The following PLA2G12B variants were observed in gnomAD, a reference collection of about 807,000 sequenced individuals.
PLA2G12B encodes the protein group XIIB secretory phospholipase A2-like protein.
A neutral mutation model predicts 22.3 loss-of-function variants in PLA2G12B; 19 were observed. That is an observed-to-expected ratio of 0.85 (90% CI 0.60 to 1.25). The LOEUF (loss-of-function observed/expected upper bound fraction) is 1.25. PLA2G12B is among the 50% of genes most tolerant of loss of function. The probability of loss-of-function intolerance (pLI) is 0.00; values close to 1 mark genes in which losing one functional copy is unlikely to be tolerated. For synonymous variants in PLA2G12B, 81 were observed against 94.9 expected (o/e 0.85, Z 0.85); for missense variants, 191 against 246.6 (o/e 0.77, Z 1.51).
chr10:72,938,346 A>C (rs1362866149), intron 3 of PLA2G12B, among the ~76,000 whole-genome samples: 1 of 152,132 alleles, frequency 6.6e-6, no homozygotes, highest in East Asian at 1.9e-4. Context: ...AGCTCTAGCC[A>C]GGGCAATTAG....
rs770919510 is a variant in PLA2G12B, at chr10:72,954,615, C to T, written c.71G>A (p.Ser24Asn). The change falls in exon 1 of 4, where the codon AGC (serine) becomes AAC (asparagine). Residue 24 changes from serine to asparagine, a missense_variant. Coordinates refer to ENST00000373032, the MANE Select transcript of PLA2G12B (RefSeq NM_032562.5). ...TGAATAGGACTCCTCCGTGTCAGGG[C>T]TCGTGTCGCTCTGAGCCAGGCCACC... ...LGGGLAQSDT[S>N]PDTEESYSDW... The T allele has an allele frequency of 1.2e-6, 2 of 1,614,168 alleles. No individual in the cohort carries two copies. The highest frequency in any genetic ancestry group is 1.1e-5 in the South Asian group (1 of 91,084).
chr10:72,953,927 T>C (rs1312582596), intron 1 of PLA2G12B, among the ~76,000 whole-genome samples: 2 of 152,152 alleles, frequency 1.3e-5, no homozygotes, highest in Non-Finnish European at 2.9e-5. Flanking sequence ...TTGATGCCAG[T>C]CAGGGACTGA....
chr10:72,949,519 AT>A (rs1331915769), intron 1 of PLA2G12B, among the ~76,000 whole-genome samples: 1 of 151,978 alleles, frequency 6.6e-6, no homozygotes, highest in Non-Finnish European at 1.5e-5. Flanking sequence ...TGTCTTTGTC[AT>A]TTGTTTTACA....
At chr10:72,945,247 C>T (rs900283123) in intron 1 of PLA2G12B, among the ~76,000 whole-genome samples, 3 of 152,154 alleles carry the variant, frequency 2.0e-5, no homozygotes, top group African/African-American at 7.2e-5. Context: ...GAGAATACTG[C>T]AGAAGTGGAG....
In PLA2G12B at chr10:72,943,381, C is replaced by G. The variant is rs567354193; in HGVS notation, c.212-641G>C. On this transcript the variant is annotated intron_variant, in intron 1 of 3. Coordinates refer to ENST00000373032, the MANE Select transcript of PLA2G12B (RefSeq NM_032562.5). ...CTCATTCCTTCACTGCAAGACCACA[C>G]ACCACTCAAAGAACAAGCAGAACAC... is the stretch of plus-strand genomic sequence containing the variant. Among the ~76,000 whole-genome samples, 3 of 152,266 alleles carry G rather than the reference C, an allele frequency of 2.0e-5. No homozygotes were observed. The South Asian group carries it at 6.2e-4, about 32-fold the overall frequency.
rs1333547892 is a variant in PLA2G12B, at chr10:72,945,609, C to CT, written c.212-2870dup. Among the ~76,000 whole-genome samples, 5 of 151,984 alleles carry CT rather than the reference C, an allele frequency of 3.3e-5. No individual in the cohort carries two copies. The East Asian group carries it at 9.7e-4, about 29-fold the overall frequency. ...TGTAAGCTGCTGAGTTTCGAGGTAC[C>CT]TTTTTGCTCAATAATATATAACTGT... On this transcript the variant is annotated intron_variant, in intron 1 of 3. Coordinates refer to ENST00000373032, the MANE Select transcript of PLA2G12B (RefSeq NM_032562.5).
intron 1 of PLA2G12B, among the ~76,000 whole-genome samples, chr10:72,951,452 C>CTTT (rs71482537): frequency 1.1e-3 from 127 of 117,076 alleles, no homozygotes; most frequent in African/African-American, 3.0e-3. Context: ...GCACAGACTC[C>CTTT]TTTTTTTTTT....
intron 1 of PLA2G12B, among the ~76,000 whole-genome samples, chr10:72,950,464 T>C (rs1846511227): frequency 6.6e-6 from 1 of 152,154 alleles, no homozygotes; most frequent in Non-Finnish European, 1.5e-5. Context: ...TAGACTGATA[T>C]TTATTTTTAT....
rs977888036 is a variant in PLA2G12B, at chr10:72,935,260, C to A, written c.*357G>T. ...ATGGGCCAGCAGAAAGTCATTGCCT[C>A]CCAAATGGCTGGACTCCCCACAATT... On this transcript the variant is annotated 3_prime_UTR_variant, in exon 4 of 4. Coordinates refer to ENST00000373032, the MANE Select transcript of PLA2G12B (RefSeq NM_032562.5). 12 of 178,442 alleles carry A rather than the reference C, an allele frequency of 6.7e-5. No homozygotes were observed. The East Asian group carries it at 1.4e-3, about 20-fold the overall frequency. The allele number at this position is 178,442 out of a possible 1,614,324, so 11.1% of individuals were successfully genotyped here. A position where few individuals can be genotyped will look rare whatever the true frequency, so the allele number is the denominator to read the frequency against.
rs780706700 is a variant in PLA2G12B at position 72,954,480 on chromosome 10, C to A, written c.206G>T (p.Arg69Leu). Residue 69 changes from arginine (R) to leucine (L), a missense_variant, in exon 1 of 4, where the codon CGA becomes CTA. By Grantham distance (102) the Arg-to-Leu change is moderately radical (BLOSUM62 -2). Coordinates refer to ENST00000373032, the MANE Select transcript of PLA2G12B (RefSeq NM_032562.5). ...GKNGVCQYRC[R>L]YGKAPMPRPG... Reference sequence around the variant, plus strand: ...AAGAGAAACCGCACACTCACCATATCGGCACCTGTACTGACAGACTCCATT... The same window carrying A: ...AAGAGAAACCGCACACTCACCATATAGGCACCTGTACTGACAGACTCCATT... The A allele has an allele frequency of 1.2e-6, 2 of 1,614,214 alleles. No homozygotes were observed.
chr10:72,938,284 G>C (rs983982738), intron 3 of PLA2G12B, among the ~76,000 whole-genome samples: 4 of 151,998 alleles, frequency 2.6e-5, no homozygotes, highest in Non-Finnish European at 2.9e-5. Context: ...CTAAGATCAG[G>C]AACAAGACAA....
intron 3 of PLA2G12B, among the ~76,000 whole-genome samples, chr10:72,938,931 G>T (rs1413220784): frequency 6.6e-6 from 1 of 152,198 alleles, no homozygotes; most frequent in African/African-American, 2.4e-5. Context: ...CATAACGACA[G>T]TAACAGGCAG....
intron 1 of PLA2G12B, among the ~76,000 whole-genome samples, chr10:72,944,460 T>C (rs1470774094): frequency 6.6e-6 from 1 of 152,204 alleles, no homozygotes; most frequent in Non-Finnish European, 1.5e-5. Flanking sequence ...TAGAATCAAC[T>C]TAGTAAATTC....
At chr10:72,954,425 C>T in intron 1 of PLA2G12B, 50 bp downstream of exon 1, 10 of 1,611,594 alleles carry the variant, frequency 6.2e-6, no homozygotes, top group Non-Finnish European at 8.5e-6. Context: ...TGGGGCTGTC[C>T]ATGGGTCCAC....
chr10:72,950,707 T>C (rs1846516846), intron 1 of PLA2G12B, among the ~76,000 whole-genome samples: 1 of 152,142 alleles, frequency 6.6e-6, no homozygotes. Flanking sequence ...CTCAAACTCC[T>C]GACCTCAAAT....
At chr10:72,949,648 A>G (rs1846495427) in intron 1 of PLA2G12B, among the ~76,000 whole-genome samples, 1 of 152,234 alleles carries the variant, frequency 6.6e-6, no homozygotes, top group South Asian at 2.1e-4. Context: ...GGCTTCATCA[A>G]CAACCCCAAC....
intron 1 of PLA2G12B, among the ~76,000 whole-genome samples, chr10:72,947,859 C>T (rs184122474): frequency 3.2e-4 from 48 of 152,240 alleles, no homozygotes; most frequent in African/African-American, 9.6e-4. Context: ...GGCTTGCAGA[C>T]GGCCTTGTCT....
At chr10:72,939,513 A>G (rs1345864654) in intron 3 of PLA2G12B, among the ~76,000 whole-genome samples, 1 of 152,164 alleles carries the variant, frequency 6.6e-6, no homozygotes, top group Admixed American at 6.5e-5. Flanking sequence ...GGTTGGAAAC[A>G]CTCTTTTTGT....
chr10:72,937,908 A>C (rs755390502), intron 3 of PLA2G12B, among the ~76,000 whole-genome samples: 8 of 152,096 alleles, frequency 5.3e-5, no homozygotes, highest in Non-Finnish European at 1.0e-4. Flanking sequence ...CTGAGGCAGG[A>C]GTTCCAGACC....
Sources: allele counts gnomAD v4.1 joint callset (sites outside exome capture counted in the v4.1 genomes callset), GRCh38; gene constraint gnomAD v4.1.1; transcripts MANE v1.5; gene names NCBI Gene and HGNC (gene_info 2026-07-23, HGNC 2026-07-21).